CELF2: variants seen among roughly 807,000 people sequenced by gnomAD.
CELF2 encodes the protein CUGBP Elav-like family member 2, also known as CUG triplet repeat RNA-binding protein 2.
CELF2 carries 8 observed loss-of-function variants against 62.6 expected under a neutral mutation model. That is an observed-to-expected ratio of 0.13 (90% CI 0.07 to 0.23). The LOEUF (loss-of-function observed/expected upper bound fraction) is 0.23. CELF2 is among the 10% of genes least tolerant of loss of function. The probability of loss-of-function intolerance (pLI) is 1.00; values close to 1 mark genes in which losing one functional copy is unlikely to be tolerated. For missense variants in CELF2, 333 were observed against 671.0 expected (o/e 0.50, Z 5.56); for synonymous variants, 258 against 250.0 (o/e 1.03, Z -0.30).
chr10:10,576,985 G>A, the CELF2 span, among the ~76,000 whole-genome samples: 1 of 152,290 alleles, frequency 6.6e-6, no homozygotes, highest in South Asian at 2.1e-4. Context: ...CATTACCTCA[G>A]CAAGAAGGAA....
At chr10:10,806,203 C>CTTTTTTTTTTTTTTTTTTTTT (rs112165245) in intron 1 of CELF2, among the ~76,000 whole-genome samples, 1 of 141,442 alleles carries the variant, frequency 7.1e-6, no homozygotes. Flanking sequence ...TTCCAGTGTT[C>CTTTTTTTTTTTTTTTTTTTTT]TTTTTTTTTT....
At chr10:11,164,660 CT>C (rs2066533465) in intron 1 of CELF2, among the ~76,000 whole-genome samples, 1 of 144,150 alleles carries the variant, frequency 6.9e-6, no homozygotes, top group Non-Finnish European at 1.5e-5. Context: ...CTTTCTGGGG[CT>C]GCTTTTTTTT....
In CELF2 at chr10:11,110,504, G is replaced by A. The variant is rs1298244599; in HGVS notation, c.75-54982G>A. ...TATTTTTCTGCTTCGTCTAAACACT[G>A]CTAGATTGATGAAATACACTAATGC... On this transcript the variant is annotated intron_variant, in intron 1 of 12. Transcript: ENST00000633077. The surrounding 1 kb of genome is among the most constrained non-coding windows in gnomAD (Gnocchi z 4.0). 1.3e-5 allele frequency among the ~76,000 whole-genome samples: 2 copies of A among 152,178 alleles called. No homozygotes were observed. Among genetic ancestry groups the A allele is most frequent in the African/African-American group, 4.8e-5 (2 of 41,422 alleles).
intron 1 of CELF2, among the ~76,000 whole-genome samples, chr10:11,044,256 G>A (rs984906224): frequency 4.6e-5 from 7 of 152,150 alleles, no homozygotes; most frequent in Non-Finnish European, 8.8e-5. Flanking sequence ...TTGTCTACTG[G>A]GATGGGAGCC....
rs1374531621 is a variant in CELF2 at position 11,226,381 on chromosome 10, C to T, written c.354+8874C>T. 5.3e-5 allele frequency among the ~76,000 whole-genome samples: 8 copies of T among 152,336 alleles called. No individual in the cohort carries two copies. In the East Asian group the frequency reaches 9.6e-4, roughly 18 times the overall value. Reference sequence around the variant, plus strand: ...TGTGTTGGTGCAGGCTTGCCGGTCCCGGCAAGTGGTCCTGGCAGGTGGAGG... The same window carrying T: ...TGTGTTGGTGCAGGCTTGCCGGTCCTGGCAAGTGGTCCTGGCAGGTGGAGG... On this transcript the variant is annotated intron_variant, in intron 3 of 12. Coordinates refer to ENST00000633077, the MANE Select transcript of CELF2 (RefSeq NM_001326342.2).
At position 11,217,329 on chromosome 10, in the gene CELF2, G is replaced by A. The variant is rs568450104; in HGVS notation, c.272-96G>A. On this transcript the variant is annotated intron_variant, in intron 2 of 12. Transcript: ENST00000633077. The surrounding 1 kb of genome is among the most constrained non-coding windows in gnomAD (Gnocchi z 5.6). ...ATGCTTTATTATTTTTAAATTGTGCGTCCTTTTAAGTAGATTGTTTGTTCG... is the reference window on the plus strand; with the variant it reads ...ATGCTTTATTATTTTTAAATTGTGCATCCTTTTAAGTAGATTGTTTGTTCG... 9.8e-5 allele frequency: 72 copies of A among 735,570 alleles called. 1 individual carries two copies. The South Asian group carries it at 1.0e-3, about 10-fold the overall frequency. The allele number at this position is 735,570 out of a possible 1,614,324, so 45.6% of individuals were successfully genotyped here.
At chr10:11,014,881 G>T (rs927696007), upstream of CELF2, among the ~76,000 whole-genome samples, 1 of 152,180 alleles carries the variant, frequency 6.6e-6, no homozygotes, top group Non-Finnish European at 1.5e-5. Flanking sequence ...GGGGGATGGG[G>T]CTAAGAAGAG....
chr10:10,567,282 G>A, the CELF2 span, among the ~76,000 whole-genome samples: 2 of 152,144 alleles, frequency 1.3e-5, no homozygotes, highest in African/African-American at 2.4e-5. Flanking sequence ...AACCGACCAG[G>A]AAAAGTGCAT....
the CELF2 span, among the ~76,000 whole-genome samples, chr10:10,595,168 A>G: frequency 6.6e-6 from 1 of 152,238 alleles, no homozygotes; most frequent in Non-Finnish European, 1.5e-5. Context: ...CCATCTTGCC[A>G]TGAAAATGTA....
chr10:11,099,327 G>C (rs993607980), intron 1 of CELF2, among the ~76,000 whole-genome samples: 5 of 152,026 alleles, frequency 3.3e-5, no homozygotes, highest in Non-Finnish European at 7.3e-5. Flanking sequence ...ACATATACTT[G>C]GCAATAAGTC....
At chr10:10,719,396 C>G in the CELF2 span, among the ~76,000 whole-genome samples, 8,342 of 152,164 alleles carry the variant, frequency 0.055, 516 homozygotes, top group African/African-American at 0.13. Context: ...GTAGCTGGGA[C>G]TACAAGAATG....
the CELF2 span, among the ~76,000 whole-genome samples, chr10:10,774,336 G>A: frequency 1.3e-5 from 2 of 152,174 alleles, no homozygotes; most frequent in African/African-American, 4.8e-5. Flanking sequence ...AAACAGGGTG[G>A]TATGGGGGAT....
the CELF2 span, among the ~76,000 whole-genome samples, chr10:10,646,265 T>C: frequency 6.6e-6 from 1 of 152,206 alleles, no homozygotes; most frequent in Non-Finnish European, 1.5e-5. Context: ...GTTCACCTAC[T>C]TCACAATTTC....
chr10:11,086,597 A>C (rs923769316), intron 1 of CELF2, among the ~76,000 whole-genome samples: 9 of 148,088 alleles, frequency 6.1e-5, no homozygotes, highest in African/African-American at 1.5e-4. Flanking sequence ...AAAAAAAAAA[A>C]AAAAAAAAAA....
At chr10:10,468,509 C>T in the CELF2 span, among the ~76,000 whole-genome samples, 2 of 151,988 alleles carry the variant, frequency 1.3e-5, no homozygotes, top group African/African-American at 2.4e-5. Flanking sequence ...CTGTTGATTG[C>T]TGTTGATCTG....
At chr10:10,772,281 C>T in the CELF2 span, among the ~76,000 whole-genome samples, 1 of 152,192 alleles carries the variant, frequency 6.6e-6, no homozygotes, top group African/African-American at 2.4e-5. Context: ...GGTCTTCCCA[C>T]TGTTCAACTA....
the CELF2 span, among the ~76,000 whole-genome samples, chr10:10,729,332 C>G: frequency 6.6e-6 from 1 of 152,160 alleles, no homozygotes; most frequent in African/African-American, 2.4e-5. Context: ...TACAGCGAAT[C>G]AAATATCAAT....
intron 1 of CELF2, among the ~76,000 whole-genome samples, chr10:10,893,834 C>T (rs752546070): frequency 1.3e-5 from 2 of 152,066 alleles, no homozygotes; most frequent in African/African-American, 2.4e-5. Context: ...GAGGGGATGG[C>T]GCTAAACTGT....
intron 1 of CELF2, among the ~76,000 whole-genome samples, chr10:10,846,999 C>A (rs1438327973): frequency 6.6e-6 from 1 of 152,010 alleles, no homozygotes; most frequent in Non-Finnish European, 1.5e-5. Context: ...GATGTGATGT[C>A]TTTTATTACT....
Sources: allele counts gnomAD v4.1 joint callset (sites outside exome capture counted in the v4.1 genomes callset), GRCh38; gene constraint gnomAD v4.1.1; non-coding constraint Gnocchi (gnomAD v3.1); transcripts MANE v1.5; gene names NCBI Gene and HGNC (gene_info 2026-07-23, HGNC 2026-07-21).